The following VCL variants were observed in gnomAD, a reference collection of about 807,000 sequenced individuals.
VCL encodes epididymis luminal protein 114.
In VCL, 47 loss-of-function variants were observed where a neutral mutation model predicts 125.7. That is an observed-to-expected ratio of 0.37 (90% confidence interval 0.30 to 0.48). The LOEUF (loss-of-function observed/expected upper bound fraction) is 0.48, where lower values mean the gene tolerates loss of function less well. VCL is among the 20% of genes least tolerant of loss of function. The pLI is 0.99. For missense variants in VCL, 1,069 were observed against 1,455.5 expected (o/e 0.73, Z 4.32); for synonymous variants, 458 against 514.6 (o/e 0.89, Z 1.49).
At chr10:74,062,204 T>C (rs889039438) in intron 2 of VCL, among the ~76,000 whole-genome samples, 4 of 151,284 alleles carry the variant, frequency 2.6e-5, no homozygotes, top group African/African-American at 7.3e-5. Context: ...TAGCTGGGAC[T>C]ATAGGAGTGC....
intron 8 of VCL, among the ~76,000 whole-genome samples, chr10:74,086,359 A>T (rs1266804978): frequency 6.6e-6 from 1 of 152,232 alleles, no homozygotes; most frequent in Non-Finnish European, 1.5e-5. Context: ...TTGCGTCTCT[A>T]TGTTGAAGGG....
rs150721662 is a variant in VCL, at chr10:74,099,740, C to T, written c.1873-1208C>T. ...CAAGGATATTAGGTAGGTAAAAGCCCAGGAGATCCAGAGTGTGGGAGACCA... is the reference window on the plus strand; with the variant it reads ...CAAGGATATTAGGTAGGTAAAAGCCTAGGAGATCCAGAGTGTGGGAGACCA... On this transcript the variant is annotated intron_variant, in intron 13 of 21. Transcript: ENST00000211998. Among the ~76,000 whole-genome samples the T allele has an allele frequency of 5.1e-3, 780 of 152,224 alleles. 23 individuals carry two copies. Among genetic ancestry groups the T allele is most frequent in the Non-Finnish European group, 1.1e-3 (73 of 68,002 alleles).
chr10:74,034,137 G>A (rs1015363518), intron 1 of VCL, among the ~76,000 whole-genome samples: 1 of 152,098 alleles, frequency 6.6e-6, no homozygotes. Flanking sequence ...AGTTTTCTTC[G>A]CTCTGATCCA....
At chr10:74,023,383 G>T (rs1326544137) in intron 1 of VCL, among the ~76,000 whole-genome samples, 1 of 152,184 alleles carries the variant, frequency 6.6e-6, no homozygotes, top group East Asian at 1.9e-4. Flanking sequence ...CTAGGTTTGT[G>T]TAAGTATACT....
At chr10:74,019,687 A>G (rs963098529) in intron 1 of VCL, among the ~76,000 whole-genome samples, 1 of 152,186 alleles carries the variant, frequency 6.6e-6, no homozygotes, top group African/African-American at 2.4e-5. Flanking sequence ...AATTCTAGAG[A>G]TAGACTCATT....
intron 1 of VCL, among the ~76,000 whole-genome samples, chr10:74,003,313 G>T (rs1840264972): frequency 6.6e-6 from 1 of 152,128 alleles, no homozygotes; most frequent in Non-Finnish European, 1.5e-5. Flanking sequence ...TCAAGGGAAG[G>T]GTGGGAAAGG....
chr10:74,050,393 T>C (rs577194207), intron 2 of VCL, among the ~76,000 whole-genome samples: 2 of 152,362 alleles, frequency 1.3e-5, no homozygotes, highest in East Asian at 1.9e-4. Context: ...CCTTAAACTT[T>C]ATTAGTTAAG....
At chr10:74,100,839 C>CT in intron 13 of VCL, 109 bp from the exon 14 acceptor site, 1 of 1,338,510 alleles carries the variant, frequency 7.5e-7, no homozygotes, top group Non-Finnish European at 1.1e-6. Context: ...GATGTCATCT[C>CT]TAAAGTCTTT....
chr10:74,001,510 C>T (rs143389340), intron 1 of VCL, among the ~76,000 whole-genome samples: 65 of 152,068 alleles, frequency 4.3e-4, no homozygotes, highest in African/African-American at 1.4e-3. Context: ...AAAATTGGCA[C>T]ATAGGATCAC....
At chr10:74,081,189 C>G (rs1564525708) in intron 6 of VCL, among the ~76,000 whole-genome samples, 1 of 152,004 alleles carries the variant, frequency 6.6e-6, no homozygotes, top group Non-Finnish European at 1.5e-5. Context: ...CTATTTAGAG[C>G]CTTAGATAGC....
Position 74,108,919 on chromosome 10 carries a change from CA to C in VCL, c.2560-51del, listed in dbSNP as rs570825638. On this transcript the variant is annotated intron_variant, in intron 17 of 21. Coordinates refer to ENST00000211998, the MANE Select transcript of VCL (RefSeq NM_014000.3). ...CTTTTTAGAAGAAAGGAAAGAATTC[CA>C]GGGGGGAGTAGTTTTAGGACTTTAC... The C allele has an allele frequency of 1.7e-4, 279 of 1,606,316 alleles. No homozygotes were observed. The African/African-American group carries it at 3.4e-3, about 20-fold the overall frequency.
In VCL at chr10:74,112,045, C is replaced by T. The variant is rs754591130; in HGVS notation, c.2882C>T (p.Pro961Leu). 3.7e-6 allele frequency: 6 copies of T among 1,614,172 alleles called. No homozygotes were observed. Among genetic ancestry groups the T allele is most frequent in the Middle Eastern group, 1.6e-4 (1 of 6,062 alleles). ...PELLLMPSNQ[P>L]VNQPILAAAQ... ...CTGCTGTTAATGCCATCCAATCAGC[C>T]GGTCAACCAGCCCATTCTGGCCGCG... Residue 961 changes from proline to leucine, a missense_variant, in exon 19 of 22, where the codon CCG (proline) becomes CTG (leucine). This residue lies in a region of VCL where 86 missense variants were observed against 91.0 expected (regional missense o/e 0.95). Coordinates refer to ENST00000211998, the MANE Select transcript of VCL (RefSeq NM_014000.3).
chr10:74,100,998 T>C lies in VCL; in HGVS notation c.1923T>C (p.Gly641=). The C allele has an allele frequency of 6.2e-7, 1 of 1,614,110 alleles. No homozygotes were observed. Among genetic ancestry groups the C allele is most frequent in the Non-Finnish European group, 8.5e-7 (1 of 1,179,982 alleles). ...ANFENHSGKL[G]ATAEKAAAVG... is the part of the protein sequence containing the mutation. ...TTGAAAACCATTCAGGAAAGCTTGG[T>C]GCTACGGCCGAGAAGGCGGCTGCGG... Residue 641 remains glycine (G), a synonymous_variant, in exon 14 of 22, where the codon GGT becomes GGC. Coordinates refer to ENST00000211998, the MANE Select transcript of VCL (RefSeq NM_014000.3).
intron 2 of VCL, among the ~76,000 whole-genome samples, chr10:74,048,583 GTCATCA>G (rs992210115): frequency 2.0e-5 from 3 of 151,698 alleles, no homozygotes; most frequent in African/African-American, 7.3e-5. Context: ...TTTCTTCTTC[GTCATCA>G]TCATCATCAG....
At chr10:74,100,556 G>T (rs548937135) in intron 13 of VCL, among the ~76,000 whole-genome samples, 17 of 152,314 alleles carry the variant, frequency 1.1e-4, no homozygotes, top group African/African-American at 3.8e-4. Context: ...CTACAATAGA[G>T]CCTGGAGTGG....
chr10:74,057,147 G>A (rs968874211), intron 2 of VCL, among the ~76,000 whole-genome samples: 1 of 151,894 alleles, frequency 6.6e-6, no homozygotes, highest in Admixed American at 6.6e-5. Context: ...GTCTCGCTAC[G>A]TAGTCTAGGC....
At chr10:74,069,157 C>T (rs1841621652) in intron 2 of VCL, among the ~76,000 whole-genome samples, 1 of 151,912 alleles carries the variant, frequency 6.6e-6, no homozygotes, top group Admixed American at 6.6e-5. Context: ...TCTGATTCTC[C>T]TGCCTCTGAG....
At chr10:74,002,554 A>G (rs955232386) in intron 1 of VCL, among the ~76,000 whole-genome samples, 1 of 152,082 alleles carries the variant, frequency 6.6e-6, no homozygotes, top group Non-Finnish European at 1.5e-5. Flanking sequence ...GGTCTTAAAG[A>G]CAGATAGGAT....
At chr10:74,021,179 G>A (rs911822679) in intron 1 of VCL, among the ~76,000 whole-genome samples, 3 of 151,942 alleles carry the variant, frequency 2.0e-5, no homozygotes, top group Non-Finnish European at 2.9e-5. Context: ...GCTCTTCCCA[G>A]GCTGCTCAGC....
Sources: allele counts gnomAD v4.1 joint callset (sites outside exome capture counted in the v4.1 genomes callset), GRCh38; gene constraint gnomAD v4.1.1; regional missense constraint gnomAD v4.1.1; transcripts MANE v1.5; gene names NCBI Gene and HGNC (gene_info 2026-07-23, HGNC 2026-07-21).